Variants in STXBP5L observed in about 807,000 individuals in gnomAD.
STXBP5L encodes the protein syntaxin-binding protein 5-like.
A neutral mutation model predicts 144.5 loss-of-function variants in STXBP5L; 65 were observed. The ratio of observed to expected loss-of-function variants is 0.45; its 90% CI spans 0.37 to 0.55. STXBP5L has a LOEUF of 0.55. STXBP5L is among the 20% of genes least tolerant of loss of function. The pLI, the probability that STXBP5L is intolerant of heterozygous loss-of-function variation, is 0.00. For missense variants in STXBP5L, 1,298 were observed against 1,405.5 expected (o/e 0.92, Z 1.22); for synonymous variants, 505 against 469.6 (o/e 1.08, Z -0.97).
intron 18 of STXBP5L, 100 bp from the exon 19 acceptor site, chr3:121,279,705 C>G: frequency 6.9e-7 from 1 of 1,444,178 alleles, no homozygotes; most frequent in Non-Finnish European, 9.6e-7. Context: ...ACTTCCCCAA[C>G]CCTAAGACAT....
intron 3 of STXBP5L, among the ~76,000 whole-genome samples, chr3:121,030,259 C>G (rs1412284099): frequency 6.6e-6 from 1 of 152,134 alleles, no homozygotes; most frequent in Non-Finnish European, 1.5e-5. Flanking sequence ...TTCACAATAG[C>G]AAAGACTCGG....
intron 10 of STXBP5L, among the ~76,000 whole-genome samples, chr3:121,219,358 C>A (rs978842890): frequency 2.6e-5 from 4 of 152,066 alleles, no homozygotes; most frequent in African/African-American, 4.8e-5. Flanking sequence ...GAAACAGGAA[C>A]CTTAGGAAGA....
Position 121,066,188 on chromosome 3 carries a change from C to A in STXBP5L, c.470+20653C>A, listed in dbSNP as rs573298145. On this transcript the variant is annotated intron_variant, in intron 5 of 26. Transcript: ENST00000471454. Reference sequence around the variant, plus strand: ...CTTTGAGTTTGTCCTCTATAGGCCTCCAGTACAGTACTGACTAAAATGGAA... The same window carrying A: ...CTTTGAGTTTGTCCTCTATAGGCCTACAGTACAGTACTGACTAAAATGGAA... Among the ~76,000 whole-genome samples, 14 of 152,162 alleles carry A rather than the reference C, an allele frequency of 9.2e-5. No individual in the cohort carries two copies. In the South Asian group the frequency reaches 2.9e-3, roughly 32 times the overall value.
At chr3:121,090,430 C>G (rs146463772) in intron 5 of STXBP5L, among the ~76,000 whole-genome samples, 5 of 152,214 alleles carry the variant, frequency 3.3e-5, no homozygotes, top group African/African-American at 1.2e-4. Context: ...ATGGATTCTA[C>G]TAACCCAATT....
intron 3 of STXBP5L, among the ~76,000 whole-genome samples, chr3:121,009,423 A>G (rs1002222603): frequency 6.6e-6 from 1 of 151,986 alleles, no homozygotes; most frequent in African/African-American, 2.4e-5. Flanking sequence ...TTCTCTGTCC[A>G]TACCAAGTTT....
chr3:121,026,952 A>C (rs2107486131), intron 3 of STXBP5L, among the ~76,000 whole-genome samples: 1 of 151,992 alleles, frequency 6.6e-6, no homozygotes, highest in Non-Finnish European at 1.5e-5. Context: ...AGACAAGGGA[A>C]GCTCTGAGTA....
At chr3:121,339,997 T>G (rs957693650) in intron 20 of STXBP5L, among the ~76,000 whole-genome samples, 1 of 152,070 alleles carries the variant, frequency 6.6e-6, no homozygotes, top group Non-Finnish European at 1.5e-5. Flanking sequence ...AAGCTTCATA[T>G]TCACTGAAAT....
intron 9 of STXBP5L, among the ~76,000 whole-genome samples, chr3:121,169,951 A>T (rs1577105268): frequency 6.6e-6 from 1 of 152,300 alleles, no homozygotes; most frequent in South Asian, 2.1e-4. Context: ...TGGAAGTAAA[A>T]CACTCCTCAG....
chr3:120,986,199 G>A (rs1942271242), intron 3 of STXBP5L, among the ~76,000 whole-genome samples: 1 of 151,648 alleles, frequency 6.6e-6, no homozygotes, highest in Non-Finnish European at 1.5e-5. Flanking sequence ...TGTGACTATT[G>A]CAGTTTTACA....
intron 20 of STXBP5L, among the ~76,000 whole-genome samples, chr3:121,343,550 T>A (rs1390416479): frequency 1.3e-5 from 2 of 152,078 alleles, no homozygotes; most frequent in Admixed American, 1.3e-4. Flanking sequence ...TTCAGCAAAG[T>A]CTCAGGATAC....
intron 9 of STXBP5L, among the ~76,000 whole-genome samples, chr3:121,163,067 C>G (rs1559811443): frequency 6.6e-6 from 1 of 152,206 alleles, no homozygotes; most frequent in Non-Finnish European, 1.5e-5. Flanking sequence ...AATCCCATTA[C>G]TGGATATATA....
intron 9 of STXBP5L, among the ~76,000 whole-genome samples, chr3:121,201,344 GT>G (rs571137750): frequency 6.6e-6 from 1 of 151,924 alleles, no homozygotes; most frequent in Non-Finnish European, 1.5e-5. Flanking sequence ...AACCCCTACT[GT>G]TTTTTGCTTT....
At chr3:120,962,143 T>C (rs1176503980) in intron 3 of STXBP5L, among the ~76,000 whole-genome samples, 1 of 124,310 alleles carries the variant, frequency 8.0e-6, no homozygotes, top group Non-Finnish European at 1.6e-5. Context: ...CTGGTAAATT[T>C]TTGTTTGAGT....
intron 20 of STXBP5L, among the ~76,000 whole-genome samples, chr3:121,361,203 C>T (rs1265255463): frequency 2.6e-5 from 4 of 152,092 alleles, no homozygotes; most frequent in Non-Finnish European, 4.4e-5. Context: ...TTTTCTCTTG[C>T]TACTTTTAGA....
intron 9 of STXBP5L, among the ~76,000 whole-genome samples, chr3:121,183,910 C>T (rs1362065268): frequency 6.6e-6 from 1 of 151,946 alleles, no homozygotes; most frequent in Non-Finnish European, 1.5e-5. Context: ...GCTGGTGATA[C>T]CCAGGCAAAC....
chr3:120,912,580 A>C (rs1054432255), intron 2 of STXBP5L, among the ~76,000 whole-genome samples: 2 of 151,838 alleles, frequency 1.3e-5, no homozygotes, highest in Non-Finnish European at 3.0e-5. Flanking sequence ...TGAGATGTTC[A>C]AAGTCATAGA....
At chr3:121,058,658 CAT>C (rs1381890861) in intron 5 of STXBP5L, among the ~76,000 whole-genome samples, 3 of 152,032 alleles carry the variant, frequency 2.0e-5, no homozygotes, top group African/African-American at 7.2e-5. Context: ...ACTTTTTAAT[CAT>C]AGCCATTCTA....
chr3:120,988,196 C>G (rs1942490015), intron 3 of STXBP5L, among the ~76,000 whole-genome samples: 2 of 150,472 alleles, frequency 1.3e-5, no homozygotes, highest in South Asian at 2.1e-4. Flanking sequence ...GAAGTAGGAA[C>G]TTAGATTATT....
intron 5 of STXBP5L, among the ~76,000 whole-genome samples, chr3:121,112,215 C>T (rs1313643000): frequency 6.6e-6 from 1 of 151,798 alleles, no homozygotes; most frequent in Non-Finnish European, 1.5e-5. Flanking sequence ...TAATCTTAGT[C>T]TCTAGCTGAG....
Sources: gnomAD v4.1 joint callset for allele counts (sites outside exome capture counted in the v4.1 genomes callset) on GRCh38, gnomAD v4.1.1 for gene constraint, MANE v1.5 for transcripts, NCBI Gene and HGNC (gene_info 2026-07-23, HGNC 2026-07-21) for gene names.